FHIP2A: variants seen among roughly 807,000 people sequenced by gnomAD.
FHIP2A encodes the protein FHF complex subunit HOOK interacting protein 2A.
Under a neutral mutation model 93.5 loss-of-function variants are expected in FHIP2A, and 46 were observed. The observed-to-expected ratio is 0.49, with a 90% CI of 0.39 to 0.63. The LOEUF (loss-of-function observed/expected upper bound fraction) is 0.63. Ranked by LOEUF, FHIP2A falls within the 20% of genes least tolerant of loss-of-function variation. The probability of loss-of-function intolerance (pLI) is 0.00; values close to 1 mark genes in which losing one functional copy is unlikely to be tolerated. For missense variants in FHIP2A, 769 were observed against 909.7 expected (o/e 0.85, Z 1.99); for synonymous variants, 332 against 326.5 (o/e 1.02, Z -0.18).
At chr10:114,840,028 A>G (rs138002026) in intron 5 of FHIP2A, among the ~76,000 whole-genome samples, 124 of 152,264 alleles carry the variant, frequency 8.1e-4, no homozygotes, top group African/African-American at 2.8e-3. Flanking sequence ...TAAATTCCTT[A>G]AGTACTTACA....
intron 1 of FHIP2A, among the ~76,000 whole-genome samples, chr10:114,825,522 G>T (rs374413108): frequency 6.6e-6 from 1 of 152,164 alleles, no homozygotes; most frequent in African/African-American, 2.4e-5. Flanking sequence ...TTTTGAGTAT[G>T]GAAGATAAGT....
intron 1 of FHIP2A, among the ~76,000 whole-genome samples, chr10:114,826,969 G>A (rs2083580402): frequency 1.3e-5 from 2 of 152,310 alleles, no homozygotes; most frequent in South Asian, 2.1e-4. Context: ...ACTCCAGCCA[G>A]GGCAACAAGA....
At chr10:114,847,044 G>A (rs747457381) in intron 11 of FHIP2A, 46 bp from the exon 12 acceptor site, 1 of 1,492,730 alleles carries the variant, frequency 6.7e-7, no homozygotes, top group Non-Finnish European at 9.1e-7. Context: ...TTTAGAAAAT[G>A]TCATAATAAA....
At chr10:114,836,314 G>C in intron 5 of FHIP2A, 68 bp downstream of exon 5, 1 of 1,222,078 alleles carries the variant, frequency 8.2e-7, no homozygotes, top group East Asian at 2.4e-5. Flanking sequence ...ATTGAATTAT[G>C]TGAATAATAT....
At position 114,855,318 on chromosome 10, in the gene FHIP2A, G is replaced by A; in HGVS notation, c.1925G>A (p.Arg642Lys). 2.5e-6 allele frequency: 4 copies of A among 1,613,816 alleles called. No homozygotes were observed. Among genetic ancestry groups the A allele is most frequent in the Non-Finnish European group, 2.5e-6 (3 of 1,179,784 alleles). The change falls in exon 14 of 17, where the codon AGA becomes AAA. Residue 642 changes from arginine to lysine, a missense_variant. By Grantham distance (26) the Arg-to-Lys change is conservative. Transcript: ENST00000369248. ...EGHFLKVLFDRMGRILDQPYD... is the reference protein window; with the variant it reads ...EGHFLKVLFDKMGRILDQPYD... ...CATTTTTTGAAAGTGCTGTTCGACA[G>A]AATGGGAAGAATTCTTGATCAGGTA... is the stretch of plus-strand genomic sequence containing the variant.
At position 114,897,107 on chromosome 10, in the gene FHIP2A, C is replaced by A. The variant is rs531772092; in HGVS notation, c.2193-2383C>A. On this transcript the variant is annotated intron_variant, in intron 16 of 16. Transcript: ENST00000369250. ...TAGCCTTAATATTTGCCCTGGCATGCTTATACTGGTCCAAGCAAGCATTAG... is the reference window on the plus strand; with the variant it reads ...TAGCCTTAATATTTGCCCTGGCATGATTATACTGGTCCAAGCAAGCATTAG... Among the ~76,000 whole-genome samples the A allele has an allele frequency of 1.4e-4, 21 of 152,364 alleles. No individual in the cohort carries two copies. In the South Asian group the frequency reaches 4.1e-3, roughly 30 times the overall value.
intron 16 of FHIP2A, among the ~76,000 whole-genome samples, chr10:114,873,870 C>T (rs1470400401): frequency 6.6e-6 from 1 of 151,944 alleles, no homozygotes; most frequent in Non-Finnish European, 1.5e-5. Context: ...GTTTCCTGCC[C>T]CAGTCCTAGG....
rs2083801402 is a variant in FHIP2A, at chr10:114,861,767, T to C, written c.*227T>C. On this transcript the variant is annotated 3_prime_UTR_variant, in exon 17 of 17. Coordinates refer to ENST00000369248, the MANE Select transcript of FHIP2A (RefSeq NM_020940.4). ...ATGGTTCTATATATACAATTGCACA[T>C]TGTTGAATCCAGGATACAATCAAAG... is the stretch of plus-strand genomic sequence containing the variant. The C allele has an allele frequency of 1.7e-6, 2 of 1,206,560 alleles. No individual in the cohort carries two copies. The highest frequency in any genetic ancestry group is 3.2e-5 in the African/African-American group (2 of 63,324). 74.7% of individuals were successfully genotyped at this position (1,206,560 alleles called of 1,614,324 possible).
rs1223488370 is a variant in FHIP2A, at chr10:114,864,152, C to G, written c.*2612C>G. On this transcript the variant is annotated 3_prime_UTR_variant, in exon 17 of 17. Coordinates refer to ENST00000369248, the MANE Select transcript of FHIP2A (RefSeq NM_020940.4). ...TATATAAGGACCAAAATTCTTAGCT[C>G]GCTTACACTGTTGCTAGTGTAAACA... The G allele has an allele frequency of 1.0e-6, 1 of 978,694 alleles. No homozygotes were observed. The highest frequency in any genetic ancestry group is 1.2e-6 in the Non-Finnish European group (1 of 823,622). The allele number at this position is 978,694 out of a possible 1,614,324, so 60.6% of individuals were successfully genotyped here.
At chr10:114,843,248 T>C (rs772396916) in intron 6 of FHIP2A, 22 bp downstream of exon 6, 28 of 1,507,424 alleles carry the variant, frequency 1.9e-5, no homozygotes, top group Non-Finnish European at 2.5e-5. Flanking sequence ...TCCTTACTTT[T>C]TCCCCCCTAA....
chr10:114,835,584 T>C lies in FHIP2A; in HGVS notation c.342T>C (p.Leu114=). 3 of 1,613,508 alleles carry C rather than the reference T, an allele frequency of 1.9e-6. No homozygotes were observed. The highest frequency in any genetic ancestry group is 2.5e-6 in the Non-Finnish European group (3 of 1,179,540). ...AGGTTTTGGTTTTCTATACGAAACT[T>C]CTGGGAAGAATCCGGCAGCCACTAC... is the stretch of plus-strand genomic sequence containing the variant. ...KQQVLVFYTK[L]LGRIRQPLLP... The change falls in exon 4 of 17, where the codon CTT becomes CTC. Residue 114 remains leucine (L), a synonymous_variant. Coordinates refer to ENST00000369248, the MANE Select transcript of FHIP2A (RefSeq NM_020940.4).
chr10:114,839,490 A>G lies in FHIP2A; in HGVS notation c.522+3244A>G, dbSNP rs368552365. ...CAAAAGTGCTTTGCAGTTCTCAAGC[A>G]TGTATTCCCTGAAATGTCATCTTTC... On this transcript the variant is annotated intron_variant, in intron 5 of 16. Transcript: ENST00000369248. 2.6e-5 allele frequency among the ~76,000 whole-genome samples: 4 copies of G among 152,304 alleles called. No individual in the cohort carries two copies. The East Asian group carries it at 7.7e-4, about 29-fold the overall frequency.
intron 8 of FHIP2A, among the ~76,000 whole-genome samples, 177 bp downstream of exon 8, chr10:114,845,658 A>G (rs915097488): frequency 6.6e-6 from 1 of 152,220 alleles, no homozygotes; most frequent in Non-Finnish European, 1.5e-5. Flanking sequence ...CAATTCCAGA[A>G]TAAATCAAAG....
At position 114,834,289 on chromosome 10, in the gene FHIP2A, C is replaced by G. The variant is rs558552679; in HGVS notation, c.294+887C>G. Among the ~76,000 whole-genome samples the G allele has an allele frequency of 2.4e-4, 37 of 152,322 alleles. 1 individual carries two copies. In the South Asian group the frequency reaches 7.2e-3, roughly 30 times the overall value. On this transcript the variant is annotated intron_variant, in intron 3 of 16. Coordinates refer to ENST00000369248, the MANE Select transcript of FHIP2A (RefSeq NM_020940.4). ...GTTTTTTAGGCAACACACCTGCTCT[C>G]TAATATTCTGCAACTCATTCTCCTC...
intron 2 of FHIP2A, 90 bp downstream of exon 2, chr10:114,831,020 A>G (rs554410474): frequency 1.5e-6 from 1 of 683,584 alleles, no homozygotes; most frequent in African/African-American, 1.9e-5. Context: ...TAAGTCTCCA[A>G]AGTTATTTTA....
intron 16 of FHIP2A, among the ~76,000 whole-genome samples, chr10:114,894,527 C>T (rs567152398): frequency 1.6e-4 from 24 of 152,250 alleles, no homozygotes; most frequent in African/African-American, 5.8e-4. Context: ...GGTGATTGTG[C>T]CACTGCACTG....
At chr10:114,845,871 A>G in intron 8 of FHIP2A, 142 bp from the exon 9 acceptor site, 1 of 644,260 alleles carries the variant, frequency 1.6e-6, no homozygotes, top group Non-Finnish European at 2.7e-6. Context: ...ATCTAGATTT[A>G]TATGCCACCA....
intron 16 of FHIP2A, among the ~76,000 whole-genome samples, chr10:114,896,249 G>A (rs888568712): frequency 6.6e-6 from 1 of 151,548 alleles, no homozygotes; most frequent in Non-Finnish European, 1.5e-5. Context: ...AAAAAAAAAA[G>A]CAACATGACT....
At chr10:114,878,505 G>A (rs537390723) in intron 16 of FHIP2A, among the ~76,000 whole-genome samples, 27 of 152,292 alleles carry the variant, frequency 1.8e-4, no homozygotes, top group African/African-American at 6.5e-4. Context: ...TTGGCTGGGC[G>A]CAGTGGCTCA....
Sources: gnomAD v4.1 joint callset for allele counts (sites outside exome capture counted in the v4.1 genomes callset) on GRCh38, gnomAD v4.1.1 for gene constraint, MANE v1.5 for transcripts, NCBI Gene and HGNC (gene_info 2026-07-23, HGNC 2026-07-21) for gene names.